The following ACACA variants were observed in gnomAD, a reference collection of about 807,000 sequenced individuals.
The protein encoded by ACACA is acetyl-CoA carboxylase 1.
Under a neutral mutation model 296.1 loss-of-function variants are expected in ACACA, and 103 were observed. That is an observed-to-expected ratio of 0.35 (90% CI 0.30 to 0.41). The LOEUF is 0.41. Among genes scored for constraint, ACACA ranks in the 10% least tolerant of loss-of-function variants. ACACA has a pLI of 1.00. For synonymous variants in ACACA, 953 were observed against 1,038.6 expected (o/e 0.92, Z 1.58); for missense variants, 1,554 against 2,989.7 (o/e 0.52, Z 11.20).
intron 50 of ACACA, among the ~76,000 whole-genome samples, chr17:37,119,633 C>T (rs1180055138): frequency 2.9e-5 from 4 of 136,118 alleles, no homozygotes; most frequent in African/African-American, 1.1e-4. Context: ...CACACACACA[C>T]ACACACACAA....
chr17:37,221,139 A>AT (rs1421816666), intron 29 of ACACA, among the ~76,000 whole-genome samples: 1 of 152,214 alleles, frequency 6.6e-6, no homozygotes, highest in African/African-American at 2.4e-5. Flanking sequence ...TGTACATTTT[A>AT]TTTTTTAAAA....
rs1215462242 is a variant in ACACA, at chr17:37,400,443, G to C, written c.38+5819C>G. Among the ~76,000 whole-genome samples the C allele has an allele frequency of 3.3e-5, 5 of 151,304 alleles. No individual in the cohort carries two copies. The South Asian group carries it at 8.4e-4, about 25-fold the overall frequency. On this transcript the variant is annotated intron_variant, in intron 1 of 55. Coordinates refer to ENST00000616317, the MANE Select transcript of ACACA (RefSeq NM_198834.3). ...CCTCAAGTATATATTTTTAACTATA[G>C]TCACCATATAGTATAATAGATCTCC...
chr17:37,140,428 T>TAA (rs2075520537), intron 45 of ACACA, among the ~76,000 whole-genome samples: 1 of 152,126 alleles, frequency 6.6e-6, no homozygotes, highest in African/African-American at 2.4e-5. Context: ...ACCTCCTATC[T>TAA]ATTCACTCCC....
At chr17:37,299,971 C>G (rs925523634) in intron 3 of ACACA, among the ~76,000 whole-genome samples, 5 of 152,000 alleles carry the variant, frequency 3.3e-5, no homozygotes, top group Admixed American at 6.6e-5. Context: ...AAAGTAAGCA[C>G]GTAGAAAGGA....
intron 52 of ACACA, among the ~76,000 whole-genome samples, chr17:37,108,434 G>T (rs931678733): frequency 1.9e-4 from 29 of 151,554 alleles, no homozygotes; most frequent in African/African-American, 6.8e-4. Flanking sequence ...TCTTGCCCAG[G>T]CTGGAGTGCA....
intron 1 of ACACA, among the ~76,000 whole-genome samples, chr17:37,401,593 T>C (rs1157710145): frequency 7.0e-6 from 1 of 142,696 alleles, no homozygotes; most frequent in Non-Finnish European, 1.5e-5. Flanking sequence ...GAGGTCTCAC[T>C]CTGTTGCCCA....
At chr17:37,371,387 A>G (rs1271852525) in intron 1 of ACACA, among the ~76,000 whole-genome samples, 5 of 152,002 alleles carry the variant, frequency 3.3e-5, no homozygotes, top group African/African-American at 7.2e-5. Flanking sequence ...TGATAGTTCA[A>G]TGATTTTACA....
chr17:37,226,515 T>C, intron 25 of ACACA, 63 bp from the exon 26 acceptor site: 1 of 1,370,100 alleles, frequency 7.3e-7, no homozygotes, highest in Non-Finnish European at 1.0e-6. Flanking sequence ...GGATAGGATT[T>C]TAAAATAGAG....
intron 1 of ACACA, among the ~76,000 whole-genome samples, chr17:37,343,922 T>C (rs1200356426): frequency 4.6e-5 from 7 of 151,982 alleles, no homozygotes; most frequent in Non-Finnish European, 1.0e-4. Flanking sequence ...CCACAAGTTT[T>C]AAATTTTAAA....
chr17:37,253,791 T>C (rs1417152630), intron 14 of ACACA, among the ~76,000 whole-genome samples: 1 of 152,040 alleles, frequency 6.6e-6, no homozygotes, highest in African/African-American at 2.4e-5. Context: ...AATATACTTA[T>C]TTTAAGTATA....
chr17:37,363,270 C>T (rs112841757), intron 1 of ACACA, among the ~76,000 whole-genome samples: 5,527 of 148,062 alleles, frequency 0.037, 293 homozygotes, highest in African/African-American at 0.12. Context: ...GCAACCTCCA[C>T]CTCCCGGGTT....
At chr17:37,275,413 T>C (rs1377996473) in intron 8 of ACACA, among the ~76,000 whole-genome samples, 1 of 148,792 alleles carries the variant, frequency 6.7e-6, no homozygotes, top group Non-Finnish European at 1.5e-5. Flanking sequence ...AGAGAATTGC[T>C]TGAACCCGGA....
At chr17:37,312,868 A>G (rs2084227226) in intron 3 of ACACA, among the ~76,000 whole-genome samples, 1 of 152,182 alleles carries the variant, frequency 6.6e-6, no homozygotes, top group African/African-American at 2.4e-5. Flanking sequence ...CTCTACAAAA[A>G]AAATTTTTAA....
intron 1 of ACACA, among the ~76,000 whole-genome samples, chr17:37,361,046 T>C (rs1287706881): frequency 2.0e-5 from 3 of 151,050 alleles, no homozygotes; most frequent in African/African-American, 7.3e-5. Flanking sequence ...GATTCTTTTT[T>C]TTTTTTTTTT....
At chr17:37,191,396 T>C in intron 37 of ACACA, 121 bp from the exon 38 acceptor site, 2 of 1,025,780 alleles carry the variant, frequency 1.9e-6, no homozygotes, top group Non-Finnish European at 2.9e-6. Context: ...GAAGAGATTG[T>C]TTATCTTTCT....
At chr17:37,170,211 G>C (rs753208016) in intron 41 of ACACA, among the ~76,000 whole-genome samples, 11 of 151,982 alleles carry the variant, frequency 7.2e-5, no homozygotes, top group South Asian at 2.1e-4. Flanking sequence ...ATAAGCTAAG[G>C]ATAAGCAGAA....
intron 1 of ACACA, among the ~76,000 whole-genome samples, chr17:37,367,949 CCT>C (rs1184726135): frequency 6.6e-6 from 1 of 152,128 alleles, no homozygotes; most frequent in Non-Finnish European, 1.5e-5. Context: ...CACCTATAGT[CCT>C]AGCTACTTGG....
chr17:37,259,716 C>T (rs187478670), intron 11 of ACACA, among the ~76,000 whole-genome samples, 186 bp from the exon 12 acceptor site: 14 of 152,040 alleles, frequency 9.2e-5, no homozygotes, highest in African/African-American at 2.6e-4. Flanking sequence ...AATGAAAAAT[C>T]GGGAGAAAAG....
intron 3 of ACACA, among the ~76,000 whole-genome samples, chr17:37,306,728 T>G (rs2083903667): frequency 6.6e-6 from 1 of 152,024 alleles, no homozygotes; most frequent in African/African-American, 2.4e-5. Flanking sequence ...GGAGTCTTGC[T>G]CTGTCACCCA....
Sources: allele counts gnomAD v4.1 joint callset (sites outside exome capture counted in the v4.1 genomes callset), GRCh38; gene constraint gnomAD v4.1.1; transcripts MANE v1.5; gene names NCBI Gene and HGNC (gene_info 2026-07-23, HGNC 2026-07-21).